The following GALNT17 variants were observed in gnomAD, a reference collection of about 807,000 sequenced individuals.
GALNT17 encodes UDP-GalNAc:polypeptide N-acetylgalactosaminyltransferase-like 3.
In GALNT17, 29 loss-of-function variants were observed where a neutral mutation model predicts 63.7. The ratio of observed to expected loss-of-function variants is 0.46; its 90% CI spans 0.34 to 0.62. GALNT17 has a LOEUF of 0.62. Ranked by LOEUF, GALNT17 falls within the 20% of genes least tolerant of loss-of-function variation. GALNT17 has a pLI of 0.01. For synonymous variants in GALNT17, 305 were observed against 318.3 expected, an observed-to-expected ratio of 0.96 and a Z score of 0.45; for missense variants, 603 against 799.6, an observed-to-expected ratio of 0.75 and a Z score of 2.97.
intron 6 of GALNT17, among the ~76,000 whole-genome samples, chr7:71,593,198 A>C (rs145899417): frequency 2.0e-5 from 3 of 149,366 alleles, no homozygotes; most frequent in Admixed American, 2.0e-4. Context: ...AAAAACAATT[A>C]GTTTTGGGAC....
rs539209445 is a variant in GALNT17, at chr7:71,680,805, C to G, written c.1500+3499C>G. 3.2e-3 allele frequency among the ~76,000 whole-genome samples: 461 copies of G among 145,274 alleles called. 5 individuals carry two copies. The highest frequency in any genetic ancestry group is 0.012 in the African/African-American group (441 of 37,992). On this transcript the variant is annotated intron_variant, in intron 9 of 10. Transcript: ENST00000333538. ...TTCTTTTCCCTTCCTTCCTTCCTTC[C>G]TTTCTTCCTTCCTTCCTTCCCCCCT...
At chr7:71,592,554 CATAGCATACTAAAA>C (rs1789822750) in intron 6 of GALNT17, among the ~76,000 whole-genome samples, 3 of 45,624 alleles carry the variant, frequency 6.6e-5, no homozygotes, top group African/African-American at 1.6e-4. Flanking sequence ...AATAGCATAG[CATAGCATACTAAAA>C]TAAAATAAAA....
At chr7:71,679,087 C>CCT (rs1238657220) in intron 9 of GALNT17, among the ~76,000 whole-genome samples, 2 of 152,152 alleles carry the variant, frequency 1.3e-5, no homozygotes, top group African/African-American at 4.8e-5. Flanking sequence ...TAGACCTTCT[C>CCT]CTCTCCCTGA....
intron 1 of GALNT17, among the ~76,000 whole-genome samples, chr7:71,138,956 C>T (rs530273816): frequency 3.9e-5 from 6 of 152,056 alleles, no homozygotes; most frequent in East Asian, 3.9e-4. Flanking sequence ...GTCTGGGCGA[C>T]GGAACAAGAT....
chr7:71,141,708 G>A (rs1376387782), intron 1 of GALNT17, among the ~76,000 whole-genome samples: 4 of 142,422 alleles, frequency 2.8e-5, no homozygotes, highest in Non-Finnish European at 6.0e-5. Flanking sequence ...ACAGAGTCTC[G>A]CTCTGTTACC....
intron 1 of GALNT17, among the ~76,000 whole-genome samples, chr7:71,207,417 A>C (rs1359416092): frequency 1.3e-5 from 2 of 152,222 alleles, no homozygotes; most frequent in Non-Finnish European, 2.9e-5. Context: ...ATCTTCTGTT[A>C]TGTGGAGCTG....
At chr7:71,324,210 T>C (rs1233907481) in intron 1 of GALNT17, among the ~76,000 whole-genome samples, 1 of 152,142 alleles carries the variant, frequency 6.6e-6, no homozygotes, top group African/African-American at 2.4e-5. Flanking sequence ...AAGCAAGCAG[T>C]GTTCAGATTT....
intron 1 of GALNT17, among the ~76,000 whole-genome samples, chr7:71,203,214 G>T (rs1789208382): frequency 6.6e-6 from 1 of 152,212 alleles, no homozygotes; most frequent in South Asian, 2.1e-4. Context: ...ATTTTTTGAG[G>T]AGCCTCCATA....
chr7:71,157,364 A>T (rs942645753), intron 1 of GALNT17, among the ~76,000 whole-genome samples: 1 of 151,868 alleles, frequency 6.6e-6, no homozygotes, highest in Non-Finnish European at 1.5e-5. Context: ...AAAAAAATTG[A>T]GGTAATGCAT....
chr7:71,626,571 G>T (rs1420995280), intron 6 of GALNT17, among the ~76,000 whole-genome samples: 1 of 152,176 alleles, frequency 6.6e-6, no homozygotes, highest in Non-Finnish European at 1.5e-5. Context: ...TGCTCTAGAA[G>T]CTGAATGACC....
intron 1 of GALNT17, among the ~76,000 whole-genome samples, chr7:71,259,560 T>C (rs1790344852): frequency 6.6e-6 from 1 of 152,028 alleles, no homozygotes; most frequent in African/African-American, 2.4e-5. Flanking sequence ...GTGTCACATA[T>C]TAAGAGAGGG....
intron 1 of GALNT17, among the ~76,000 whole-genome samples, chr7:71,252,485 A>C (rs1228786924): frequency 6.6e-6 from 1 of 152,162 alleles, no homozygotes; most frequent in East Asian, 1.9e-4. Context: ...AGATTGTACC[A>C]CTGCACCCCA....
intron 5 of GALNT17, among the ~76,000 whole-genome samples, chr7:71,539,056 G>A (rs199756435): frequency 3.9e-5 from 6 of 152,070 alleles, no homozygotes; most frequent in Non-Finnish European, 7.4e-5. Flanking sequence ...CCTGCCTCCC[G>A]AGTAGCTGGG....
chr7:71,708,414 G>A (rs1791749074), intron 9 of GALNT17, among the ~76,000 whole-genome samples: 1 of 145,442 alleles, frequency 6.9e-6, no homozygotes, highest in East Asian at 2.1e-4. Context: ...CATGAGAACA[G>A]CATGGGAAAA....
At chr7:71,345,237 T>C (rs1450924303) in intron 2 of GALNT17, among the ~76,000 whole-genome samples, 1 of 151,546 alleles carries the variant, frequency 6.6e-6, no homozygotes, top group African/African-American at 2.4e-5. Flanking sequence ...TATCTCGTAC[T>C]GTGAGGGAGG....
At chr7:71,660,038 G>T (rs778718525) in intron 6 of GALNT17, among the ~76,000 whole-genome samples, 3 of 152,152 alleles carry the variant, frequency 2.0e-5, no homozygotes, top group Non-Finnish European at 4.4e-5. Context: ...TTTGATTAAT[G>T]CATTTCCCTT....
intron 1 of GALNT17, among the ~76,000 whole-genome samples, chr7:71,157,396 G>T (rs1562871658): frequency 1.3e-5 from 2 of 151,902 alleles, no homozygotes; most frequent in Non-Finnish European, 2.9e-5. Flanking sequence ...GGTGGCTCAT[G>T]CCTGTAATCC....
intron 1 of GALNT17, among the ~76,000 whole-genome samples, chr7:71,200,515 C>A (rs892582337): frequency 6.6e-6 from 1 of 152,190 alleles, no homozygotes; most frequent in South Asian, 2.1e-4. Flanking sequence ...AAATCACTCT[C>A]TGTGTCCCTT....
intron 6 of GALNT17, among the ~76,000 whole-genome samples, chr7:71,578,781 G>T (rs1789580397): frequency 6.6e-6 from 1 of 152,062 alleles, no homozygotes; most frequent in Non-Finnish European, 1.5e-5. Flanking sequence ...GCTAGCTCTT[G>T]CAAGGCCTTC....
Sources: allele counts gnomAD v4.1 joint callset (sites outside exome capture counted in the v4.1 genomes callset), GRCh38; gene constraint gnomAD v4.1.1; transcripts MANE v1.5; gene names NCBI Gene and HGNC (gene_info 2026-07-23, HGNC 2026-07-21).